Variants in SLC35D4 observed in about 807,000 individuals in gnomAD.
SLC35D4 encodes the protein solute carrier family 35 member D4, also known as UDP-N-acetylglucosamine transporter SLC35D4.
At chr18:23,364,851 TGAG>T in the SLC35D4 span, among the ~76,000 whole-genome samples, 1 of 124,114 alleles carries the variant, frequency 8.1e-6, no homozygotes, top group African/African-American at 3.1e-5. Flanking sequence ...TGCAGTGAGC[TGAG>T]ATCATGCCAC....
chr18:23,238,670 T>A, the SLC35D4 span, among the ~76,000 whole-genome samples: 3 of 152,240 alleles, frequency 2.0e-5, no homozygotes, highest in South Asian at 6.2e-4. Flanking sequence ...AGAATAAGGA[T>A]GCTTTATGTG....
the SLC35D4 span, among the ~76,000 whole-genome samples, chr18:23,246,004 A>G: frequency 1.3e-5 from 2 of 152,204 alleles, no homozygotes; most frequent in Non-Finnish European, 2.9e-5. Flanking sequence ...ACGGTGGCTC[A>G]CGCCTGTAAT....
chr18:23,245,833 G>A, the SLC35D4 span, among the ~76,000 whole-genome samples: 4 of 152,256 alleles, frequency 2.6e-5, no homozygotes, highest in East Asian at 3.8e-4. Flanking sequence ...CTCCATGAGC[G>A]GAATGAGCAC....
the SLC35D4 span, among the ~76,000 whole-genome samples, chr18:23,398,370 T>C: frequency 6.6e-6 from 1 of 152,168 alleles, no homozygotes; most frequent in Non-Finnish European, 1.5e-5. Flanking sequence ...TTAAAAGAAT[T>C]TGAGCAACAC....
chr18:23,437,715 C>T, the SLC35D4 span: 3 of 1,533,680 alleles, frequency 2.0e-6, no homozygotes, highest in Non-Finnish European at 2.7e-6. Context: ...CTCCGTTTGT[C>T]ACGGGAAGAT....
chr18:23,437,822 T>A, the SLC35D4 span: 4 of 1,612,788 alleles, frequency 2.5e-6, no homozygotes, highest in African/African-American at 5.4e-5. Flanking sequence ...GTACAAAAGG[T>A]GAGGCCGACC....
the SLC35D4 span, among the ~76,000 whole-genome samples, chr18:23,376,115 A>T: frequency 6.6e-6 from 1 of 152,232 alleles, no homozygotes; most frequent in Non-Finnish European, 1.5e-5. Flanking sequence ...ACCGAATACA[A>T]TGTTTTCACT....
the SLC35D4 span, among the ~76,000 whole-genome samples, chr18:23,403,883 T>C: frequency 6.6e-6 from 1 of 152,146 alleles, no homozygotes; most frequent in Admixed American, 6.5e-5. Context: ...GAATAAAATA[T>C]ACAAGGCGGG....
the SLC35D4 span, among the ~76,000 whole-genome samples, chr18:23,430,441 A>G: frequency 3.9e-5 from 6 of 152,178 alleles, no homozygotes; most frequent in African/African-American, 1.4e-4. Context: ...ACTTTAACAC[A>G]AAAATGTCTA....
chr18:23,415,186 T>C, the SLC35D4 span, among the ~76,000 whole-genome samples: 3 of 152,236 alleles, frequency 2.0e-5, no homozygotes, highest in African/African-American at 7.2e-5. Flanking sequence ...TGTTCATTTC[T>C]TTATAAACAG....
chr18:23,412,652 A>G, the SLC35D4 span, among the ~76,000 whole-genome samples: 8 of 152,194 alleles, frequency 5.3e-5, no homozygotes, highest in Non-Finnish European at 1.0e-4. Flanking sequence ...CTTGAACCCA[A>G]GAGTCCTGTG....
the SLC35D4 span, among the ~76,000 whole-genome samples, chr18:23,308,160 C>G: frequency 6.6e-6 from 1 of 152,162 alleles, no homozygotes; most frequent in East Asian, 1.9e-4. Flanking sequence ...CTGAGGTCAC[C>G]TCGATTTGAA....
chr18:23,325,459 T>C, the SLC35D4 span, among the ~76,000 whole-genome samples: 1 of 151,914 alleles, frequency 6.6e-6, no homozygotes, highest in African/African-American at 2.4e-5. Context: ...GGGGCTTGAG[T>C]GTGGCCGCAT....
chr18:23,400,278 A>G, the SLC35D4 span, among the ~76,000 whole-genome samples: 3 of 152,212 alleles, frequency 2.0e-5, no homozygotes, highest in Non-Finnish European at 4.4e-5. Flanking sequence ...CCTAGTTCTC[A>G]CACACAGTGC....
At chr18:23,355,572 C>T in the SLC35D4 span, among the ~76,000 whole-genome samples, 1 of 148,402 alleles carries the variant, frequency 6.7e-6, no homozygotes, top group Non-Finnish European at 1.5e-5. Flanking sequence ...GGCTCAAATG[C>T]AGAAACAAAC....
the SLC35D4 span, among the ~76,000 whole-genome samples, chr18:23,252,029 C>T: frequency 4.0e-5 from 6 of 150,000 alleles, no homozygotes; most frequent in Non-Finnish European, 7.4e-5. Flanking sequence ...GAGGTTGCAG[C>T]GAACCAAGAT....
chr18:23,291,363 T>C, the SLC35D4 span, among the ~76,000 whole-genome samples: 2 of 152,232 alleles, frequency 1.3e-5, no homozygotes, highest in Non-Finnish European at 2.9e-5. Flanking sequence ...CTCAGCTCTA[T>C]TTTCTATTGT....
At chr18:23,294,232 G>A in the SLC35D4 span, among the ~76,000 whole-genome samples, 32 of 152,126 alleles carry the variant, frequency 2.1e-4, no homozygotes, top group African/African-American at 7.7e-4. Context: ...TCTGACTGAG[G>A]TCCAGCAAGG....
At chr18:23,346,104 C>CA in the SLC35D4 span, among the ~76,000 whole-genome samples, 1,288 of 140,916 alleles carry the variant, frequency 9.1e-3, 15 homozygotes, top group African/African-American at 0.026. Flanking sequence ...CCCATCTCTA[C>CA]AAAAAAAAAA....
Sources: allele counts gnomAD v4.1 joint callset (sites outside exome capture counted in the v4.1 genomes callset), GRCh38; gene constraint gnomAD v4.1.1; transcripts MANE v1.5; gene names NCBI Gene and HGNC (gene_info 2026-07-23, HGNC 2026-07-21).